Variants in JARID2 observed in about 807,000 individuals in gnomAD.
JARID2 encodes protein Jumonji.
A neutral mutation model predicts 125.6 loss-of-function variants in JARID2; 21 were observed. That is an observed-to-expected ratio of 0.17 (90% CI 0.12 to 0.24). The LOEUF is 0.24. Among genes scored for constraint, JARID2 ranks in the 10% least tolerant of loss-of-function variants. The pLI, the probability that JARID2 is intolerant of heterozygous loss-of-function variation, is 1.00. For missense variants in JARID2, 1,303 were observed against 1,639.6 expected (o/e 0.79, Z 3.55); for synonymous variants, 736 against 661.6 (o/e 1.11, Z -1.73).
chr6:15,247,533 C>CTTTT (rs67284836), intron 1 of JARID2: 17 of 809,294 alleles, frequency 2.1e-5, no homozygotes, highest in South Asian at 1.8e-4. Flanking sequence ...TTAAATAACT[C>CTTTT]TTTTTTTTTT....
At chr6:15,415,847 G>C (rs968117407) in intron 3 of JARID2, among the ~76,000 whole-genome samples, 1 of 135,272 alleles carries the variant, frequency 7.4e-6, no homozygotes, top group South Asian at 2.5e-4. Context: ...CCTCCCGGAC[G>C]GGGCGGCTGG....
intron 1 of JARID2, among the ~76,000 whole-genome samples, chr6:15,301,200 G>T (rs545940977): frequency 6.6e-6 from 1 of 152,320 alleles, no homozygotes; most frequent in East Asian, 1.9e-4. Context: ...CTGCAAAATG[G>T]TAGGGTGGTA....
intron 16 of JARID2, 84 bp downstream of exon 16, chr6:15,513,506 G>GCT: frequency 7.6e-7 from 1 of 1,323,944 alleles, no homozygotes; most frequent in South Asian, 1.4e-5. Context: ...GAGGGAGGGC[G>GCT]CTCTCTGCCC....
intron 2 of JARID2, among the ~76,000 whole-genome samples, chr6:15,393,449 T>C (rs947918685): frequency 6.6e-6 from 1 of 152,260 alleles, no homozygotes; most frequent in Non-Finnish European, 1.5e-5. Context: ...CTCTTGTGAT[T>C]GACTCTACTT....
chr6:15,428,276 A>G (rs1215229595), intron 3 of JARID2, among the ~76,000 whole-genome samples: 1 of 151,860 alleles, frequency 6.6e-6, no homozygotes, highest in Non-Finnish European at 1.5e-5. Flanking sequence ...TTAGATATAT[A>G]TTTTTGTTAT....
intron 1 of JARID2, among the ~76,000 whole-genome samples, chr6:15,251,594 A>T: frequency 6.6e-6 from 1 of 152,200 alleles, no homozygotes; most frequent in Non-Finnish European, 1.5e-5. Flanking sequence ...TTCACCCAGA[A>T]GTCTTGCCAA....
chr6:15,411,628 C>A (rs57201697), intron 3 of JARID2, among the ~76,000 whole-genome samples: 17,115 of 152,188 alleles, frequency 0.11, 1,064 homozygotes, highest in Non-Finnish European at 0.13. Context: ...TCCCCTGTTC[C>A]AGTTTAAAGC....
intron 1 of JARID2, among the ~76,000 whole-genome samples, chr6:15,340,237 G>A (rs773293629): frequency 6.6e-6 from 1 of 152,166 alleles, no homozygotes; most frequent in African/African-American, 2.4e-5. Context: ...CCTTTGAAGT[G>A]CTGAGCATGG....
At chr6:15,246,883 G>A (rs930554402) in intron 1 of JARID2, among the ~76,000 whole-genome samples, 1 of 152,162 alleles carries the variant, frequency 6.6e-6, no homozygotes, top group Non-Finnish European at 1.5e-5. Flanking sequence ...GGGTGGCTGC[G>A]GTAATGTAAC....
At chr6:15,398,074 G>T (rs1236431298) in intron 2 of JARID2, among the ~76,000 whole-genome samples, 1 of 152,136 alleles carries the variant, frequency 6.6e-6, no homozygotes, top group Non-Finnish European at 1.5e-5. Context: ...ATTGGAACCT[G>T]TTTTGTAAAG....
At chr6:15,362,225 G>C (rs1763823791) in intron 1 of JARID2, among the ~76,000 whole-genome samples, 2 of 151,974 alleles carry the variant, frequency 1.3e-5, no homozygotes, top group Non-Finnish European at 1.5e-5. Flanking sequence ...AAATATATCA[G>C]TTTAAGTGTT....
chr6:15,340,985 C>T (rs574473414), intron 1 of JARID2, among the ~76,000 whole-genome samples: 1 of 152,232 alleles, frequency 6.6e-6, no homozygotes, highest in East Asian at 1.9e-4. Flanking sequence ...TGCTAATACA[C>T]TTTCTATATC....
intron 3 of JARID2, among the ~76,000 whole-genome samples, chr6:15,418,792 A>T (rs886546738): frequency 6.6e-6 from 1 of 152,186 alleles, no homozygotes; most frequent in African/African-American, 2.4e-5. Flanking sequence ...GAGATATGAC[A>T]TGCCTCTGGA....
chr6:15,512,169 C>G (rs762314383), intron 13 of JARID2, 39 bp from the exon 14 acceptor site: 4 of 1,593,560 alleles, frequency 2.5e-6, no homozygotes, highest in Admixed American at 3.4e-5. Context: ...TGTCCCTGCG[C>G]ACAGGGAGGG....
At chr6:15,480,678 T>C (rs1769568772) in intron 5 of JARID2, among the ~76,000 whole-genome samples, 1 of 152,212 alleles carries the variant, frequency 6.6e-6, no homozygotes, top group African/African-American at 2.4e-5. Context: ...AACTCCTTTC[T>C]CTGAAGAACG....
intron 2 of JARID2, among the ~76,000 whole-genome samples, chr6:15,404,147 T>A (rs1477546620): frequency 1.3e-5 from 2 of 152,200 alleles, no homozygotes; most frequent in African/African-American, 4.8e-5. Context: ...CACCAGTGTG[T>A]TGATCTGGTG....
chr6:15,481,877 G>A (rs1189015019), intron 5 of JARID2, among the ~76,000 whole-genome samples: 1 of 152,112 alleles, frequency 6.6e-6, no homozygotes, highest in African/African-American at 2.4e-5. Context: ...GAAGTCTTCA[G>A]GGCAGCCAGT....
In JARID2 at chr6:15,450,808, A is replaced by C. The variant is rs189103949; in HGVS notation, c.324-1198A>C. ...AAAGCAAAAATATGTTCGTGTATTTATTGGTGGAGAGAAAGGGAAATTTCT... is the reference window on the plus strand; with the variant it reads ...AAAGCAAAAATATGTTCGTGTATTTCTTGGTGGAGAGAAAGGGAAATTTCT... On this transcript the variant is annotated intron_variant, in intron 3 of 17. Coordinates refer to ENST00000341776, the MANE Select transcript of JARID2 (RefSeq NM_004973.4). 1.3e-3 allele frequency among the ~76,000 whole-genome samples: 201 copies of C among 152,320 alleles called. 1 individual carries two copies. The highest frequency in any genetic ancestry group is 4.6e-3 in the African/African-American group (190 of 41,550).
chr6:15,290,232 A>G (rs760263823), intron 1 of JARID2, among the ~76,000 whole-genome samples: 9 of 152,114 alleles, frequency 5.9e-5, no homozygotes, highest in Non-Finnish European at 1.3e-4. Flanking sequence ...TTATCAGTTC[A>G]TTTCATTTCA....
Sources: allele counts gnomAD v4.1 joint callset (sites outside exome capture counted in the v4.1 genomes callset), GRCh38; gene constraint gnomAD v4.1.1; transcripts MANE v1.5; gene names NCBI Gene and HGNC (gene_info 2026-07-23, HGNC 2026-07-21).